SAMD8: variants seen among roughly 807,000 people sequenced by gnomAD.
The protein encoded by SAMD8 is sterile alpha motif domain containing 8.
SAMD8 carries 20 observed loss-of-function variants against 42.0 expected under a neutral mutation model. The ratio of observed to expected loss-of-function variants is 0.48; its 90% CI spans 0.34 to 0.69. The LOEUF (loss-of-function observed/expected upper bound fraction) is 0.69. Ranked by LOEUF, SAMD8 falls within the 30% of genes least tolerant of loss-of-function variation. The pLI is 0.01. For synonymous variants in SAMD8, 162 were observed against 173.0 expected (o/e 0.94, Z 0.50); for missense variants, 328 against 511.6 (o/e 0.64, Z 3.46).
intron 1 of SAMD8, among the ~76,000 whole-genome samples, chr10:75,130,677 T>C (rs758957681): frequency 2.0e-5 from 3 of 152,184 alleles, no homozygotes; most frequent in Non-Finnish European, 4.4e-5. Context: ...ATTAACTCTC[T>C]AGGTGACTTT....
In SAMD8 at chr10:75,176,176, C is replaced by T. The variant is rs1365369548; in HGVS notation, c.903C>T (p.His301=). Residue 301 remains histidine, a synonymous_variant, in exon 5 of 6, where the codon CAC becomes CAT. Coordinates refer to ENST00000542569, the MANE Select transcript of SAMD8 (RefSeq NM_001174156.2). The surrounding 1 kb of genome is among the most constrained non-coding windows in gnomAD (Gnocchi z 4.3). ...GTGGAGATTACATGTTTAGTGGCCACACAGTCGTCCTAACTATGCTGAATT... is the reference window on the plus strand; with the variant it reads ...GTGGAGATTACATGTTTAGTGGCCATACAGTCGTCCTAACTATGCTGAATT... The part of the protein sequence containing the change: ...HTCGDYMFSG[H]TVVLTMLNFF... 1 of 1,614,224 alleles carries T rather than the reference C, an allele frequency of 6.2e-7. No homozygotes were observed. The highest frequency in any genetic ancestry group is 2.2e-5 in the East Asian group (1 of 44,890).
intron 2 of SAMD8, among the ~76,000 whole-genome samples, chr10:75,151,993 A>G (rs1169314857): frequency 1.3e-5 from 2 of 151,168 alleles, no homozygotes; most frequent in Non-Finnish European, 2.9e-5. Flanking sequence ...TTGGCCAGGT[A>G]CTTTAGATTT....
chr10:75,153,370 G>A (rs566470373), intron 2 of SAMD8, among the ~76,000 whole-genome samples: 1 of 152,146 alleles, frequency 6.6e-6, no homozygotes, highest in South Asian at 2.1e-4. Context: ...AGCACTTCGA[G>A]AGGACGAGGC....
intron 3 of SAMD8, among the ~76,000 whole-genome samples, chr10:75,166,842 T>C (rs1840693492): frequency 6.6e-6 from 1 of 152,216 alleles, no homozygotes; most frequent in Non-Finnish European, 1.5e-5. Flanking sequence ...ACCCGTTAAA[T>C]CCAAGTGTTA....
intron 1 of SAMD8, among the ~76,000 whole-genome samples, chr10:75,117,988 T>G (rs1848924136): frequency 1.3e-5 from 2 of 151,938 alleles, no homozygotes; most frequent in Non-Finnish European, 2.9e-5. Context: ...TGTAGATAAC[T>G]TGGTGCAGCC....
At chr10:75,127,630 G>C (rs1176246775) in intron 1 of SAMD8, among the ~76,000 whole-genome samples, 1 of 152,098 alleles carries the variant, frequency 6.6e-6, no homozygotes, top group Non-Finnish European at 1.5e-5. Flanking sequence ...TGTGAGTTAG[G>C]GTGTACATTC....
chr10:75,174,084 C>T (rs1840933031), intron 4 of SAMD8, among the ~76,000 whole-genome samples: 1 of 152,016 alleles, frequency 6.6e-6, no homozygotes, highest in Non-Finnish European at 1.5e-5. Context: ...TATAATAATA[C>T]TAGTATGCCT....
chr10:75,153,044 C>T (rs1222385302), intron 2 of SAMD8, among the ~76,000 whole-genome samples: 3 of 152,026 alleles, frequency 2.0e-5, no homozygotes, highest in Non-Finnish European at 2.9e-5. Flanking sequence ...TACAATGGCA[C>T]GATCTCAGCT....
At chr10:75,113,291 G>A (rs2134412539) in intron 1 of SAMD8, among the ~76,000 whole-genome samples, 1 of 152,218 alleles carries the variant, frequency 6.6e-6, no homozygotes, top group South Asian at 2.1e-4. Context: ...TTTGACTTTA[G>A]CCACATGTCT....
At chr10:75,126,448 T>G (rs912460158) in intron 1 of SAMD8, among the ~76,000 whole-genome samples, 2 of 151,972 alleles carry the variant, frequency 1.3e-5, no homozygotes, top group African/African-American at 4.8e-5. Flanking sequence ...ATATAGTATG[T>G]GTACAGTAAA....
intron 1 of SAMD8, among the ~76,000 whole-genome samples, chr10:75,118,673 A>G (rs555168452): frequency 2.6e-5 from 4 of 152,300 alleles, no homozygotes; most frequent in Admixed American, 2.0e-4. Context: ...ATCTTTCTAT[A>G]AGTATAAAGA....
chr10:75,100,065 G>T (rs570113952), intron 1 of SAMD8, among the ~76,000 whole-genome samples: 50 of 152,252 alleles, frequency 3.3e-4, no homozygotes, highest in Middle Eastern at 6.8e-3. Context: ...GCTTTGGGAA[G>T]TGGGACAGGC....
intron 1 of SAMD8, among the ~76,000 whole-genome samples, chr10:75,146,370 C>T (rs902096522): frequency 6.6e-5 from 10 of 150,796 alleles, no homozygotes; most frequent in Non-Finnish European, 1.3e-4. Flanking sequence ...CCGCAACCTC[C>T]GCCTCCCGGG....
At chr10:75,159,219 A>G (rs1000479417) in intron 2 of SAMD8, among the ~76,000 whole-genome samples, 14 of 151,700 alleles carry the variant, frequency 9.2e-5, no homozygotes, top group Non-Finnish European at 2.1e-4. Flanking sequence ...CACCACACCC[A>G]GCTAATTTTT....
Position 75,150,538 on chromosome 10 carries a change from C to G in SAMD8, c.10C>G (p.Pro4Ala), listed in dbSNP as rs567483236. MAGPNQLCIRRWTT... is the reference protein window; with the variant it reads MAGANQLCIRRWTT... The stretch of plus-strand genomic sequence containing the variant: ...GGCAGCGGAGGAGGAAATGGCAGGT[C>G]CTAATCAACTCTGCATTCGCCGCTG... Residue 4 changes from proline (P) to alanine (A), a missense_variant, in exon 2 of 6, where the codon CCT becomes GCT. Physicochemically the swap from Pro to Ala is conservative, Grantham distance 27. Around this residue, in one of 2 missense-constraint regions of SAMD8, gnomAD observed 150 missense variants for 186.0 expected, o/e 0.81. Transcript: ENST00000542569. 1.1e-5 allele frequency: 17 copies of G among 1,612,308 alleles called. No individual in the cohort carries two copies. Among genetic ancestry groups the G allele is most frequent in the Middle Eastern group, 3.3e-4 (2 of 6,054 alleles).
In SAMD8 at chr10:75,116,901, C is replaced by T. The variant is rs369352913; in HGVS notation, c.-16+5179C>T. Among the ~76,000 whole-genome samples the T allele has an allele frequency of 1.8e-4, 27 of 152,158 alleles. No homozygotes were observed. In the East Asian group the frequency reaches 4.7e-3, roughly 26 times the overall value. ...GTCAGTTCATAGCAACCTTCGCCTC[C>T]CGGGTTCAAGCAATTCTCCCACCTC... On this transcript the variant is annotated intron_variant, in intron 1 of 5. Coordinates refer to ENST00000542569, the MANE Select transcript of SAMD8 (RefSeq NM_001174156.2).
chr10:75,117,515 G>T (rs1848913804), intron 1 of SAMD8, among the ~76,000 whole-genome samples: 1 of 152,036 alleles, frequency 6.6e-6, no homozygotes, highest in South Asian at 2.1e-4. Flanking sequence ...AGGAGTTCAA[G>T]ACCACCCTGG....
At chr10:75,124,159 G>T (rs891853303) in intron 1 of SAMD8, among the ~76,000 whole-genome samples, 2 of 152,096 alleles carry the variant, frequency 1.3e-5, no homozygotes, top group Admixed American at 1.3e-4. Flanking sequence ...GCTCACTACT[G>T]TGTTGTTCCT....
chr10:75,118,781 A>G (rs1450975380), intron 1 of SAMD8, among the ~76,000 whole-genome samples: 1 of 152,258 alleles, frequency 6.6e-6, no homozygotes, highest in Admixed American at 6.5e-5. Context: ...CAAATACTAT[A>G]AACTACAGAG....
Sources: allele counts gnomAD v4.1 joint callset (sites outside exome capture counted in the v4.1 genomes callset), GRCh38; gene constraint gnomAD v4.1.1; regional missense constraint gnomAD v4.1.1; non-coding constraint Gnocchi (gnomAD v3.1); transcripts MANE v1.5; gene names NCBI Gene and HGNC (gene_info 2026-07-23, HGNC 2026-07-21).